SFPQ: variants seen among roughly 807,000 people sequenced by gnomAD.
SFPQ encodes the protein splicing factor, proline- and glutamine-rich.
SFPQ carries 11 observed loss-of-function variants against 72.9 expected under a neutral mutation model. The observed-to-expected ratio is 0.15, with a 90% CI of 0.09 to 0.25. The LOEUF is 0.25. SFPQ is among the 10% of genes least tolerant of loss of function. The pLI, the probability that SFPQ is intolerant of heterozygous loss-of-function variation, is 1.00. For synonymous variants in SFPQ, 506 were observed against 367.3 expected, an observed-to-expected ratio of 1.38 and a Z score of -4.32; for missense variants, 847 against 993.3, an observed-to-expected ratio of 0.85 and a Z score of 1.98.
intron 4 of SFPQ, chr1:35,177,565 G>C (rs1278184555): frequency 6.6e-6 from 1 of 151,844 alleles, no homozygotes; most frequent in Non-Finnish European, 1.5e-5. Flanking sequence ...CCCAGGCTGG[G>C]CTCAAGCAAT....
chr1:35,179,301 T>TA (rs1639372190), downstream of SFPQ: 1 of 1,058,776 alleles, frequency 9.4e-7, no homozygotes, highest in African/African-American at 1.6e-5. Context: ...CGCATCTCTT[T>TA]ATTGGGGAAA....
At chr1:35,182,204 T>C (rs898484029), downstream of SFPQ, 15 of 985,298 alleles carry the variant, frequency 1.5e-5, no homozygotes, top group Non-Finnish European at 1.4e-5. Flanking sequence ...CCTCTGTGGG[T>C]GTCCCATGGA....
chr1:35,179,560 C>CT, downstream of SFPQ: 1 of 1,052,748 alleles, frequency 9.5e-7, no homozygotes, highest in East Asian at 5.4e-5. Flanking sequence ...TAATTCCCAG[C>CT]TTTTTGAGTT....
chr1:35,185,526 G>A (rs575654961), intron 9 of SFPQ, among the ~76,000 whole-genome samples: 1 of 152,248 alleles, frequency 6.6e-6, no homozygotes, highest in Non-Finnish European at 1.5e-5. Context: ...GTTTTCAATA[G>A]AAACATATGT....
At chr1:35,184,655 T>C (rs1409104708) in intron 9 of SFPQ, 62 bp from the exon 10 acceptor site, 2 of 1,467,214 alleles carry the variant, frequency 1.4e-6, no homozygotes, top group African/African-American at 1.5e-5. Context: ...GTTAAGTAAA[T>C]ATTTTAGAAG....
chr1:35,181,163 G>C (rs1639450451), downstream of SFPQ: 1 of 1,065,328 alleles, frequency 9.4e-7, no homozygotes. Context: ...GAGAATCTTG[G>C]AGCAAGCAGG....
chr1:35,192,861 C>A lies in SFPQ; in HGVS notation c.189G>T (p.Pro63=). 6.5e-7 allele frequency: 1 copy of A among 1,530,870 alleles called. No individual in the cohort carries two copies. Among genetic ancestry groups the A allele is most frequent in the South Asian group, 1.2e-5 (1 of 82,424 alleles). The allele number at this position is 1,530,870 out of a possible 1,614,324, so 94.8% of individuals were successfully genotyped here. A position where few individuals can be genotyped will look rare whatever the true frequency, so the allele number is the denominator to read the frequency against. The part of the protein sequence containing the change: ...QSGPKPPIPP[P]PPHQQQQQPP... ...GCTGTTGCTGCTGTTGGTGTGGAGG[C>A]GGTGGCGGGATCGGAGGCTTAGGGC... The change falls in exon 1 of 10, where the codon CCG becomes CCT. Residue 63 remains proline, a synonymous_variant. Transcript: ENST00000357214.
chr1:35,190,106 G>A (rs1265393212), intron 4 of SFPQ, among the ~76,000 whole-genome samples: 1 of 151,846 alleles, frequency 6.6e-6, no homozygotes, highest in Non-Finnish European at 1.5e-5. Context: ...ACTAAAAATA[G>A]AAAACGAGCC....
intron 5 of SFPQ, 25 bp downstream of exon 5, chr1:35,189,158 AATG>A (rs1557805035): frequency 6.2e-7 from 1 of 1,613,602 alleles, no homozygotes; most frequent in Non-Finnish European, 8.5e-7. Flanking sequence ...TGACCTTAGC[AATG>A]ATGTTCACGC....
chr1:35,187,238 A>G lies in SFPQ; in HGVS notation c.1829T>C (p.Met610Thr). Residue 610 changes from methionine to threonine, a missense_variant, in exon 8 of 10, where the codon ATG (methionine) becomes ACG (threonine). Coordinates refer to ENST00000357214, the MANE Select transcript of SFPQ (RefSeq NM_005066.3). Reference sequence around the variant, plus strand: ...CATTGCTCCTCCGCCACCCATTCGCATGTCTCTTTCCCGCTGCAAGAAAAA... The same window carrying G: ...CATTGCTCCTCCGCCACCCATTCGCGTGTCTCTTTCCCGCTGCAAGAAAAA... ...MGYMDPRERD[M>T]RMGGGGAMNM... 11 of 1,614,164 alleles carry G rather than the reference A, an allele frequency of 6.8e-6. No homozygotes were observed. The highest frequency in any genetic ancestry group is 9.3e-6 in the Non-Finnish European group (11 of 1,180,022).
At chr1:35,188,621 A>G (rs1175023596) in intron 6 of SFPQ, among the ~76,000 whole-genome samples, 1 of 152,184 alleles carries the variant, frequency 6.6e-6, no homozygotes, top group Non-Finnish European at 1.5e-5. Context: ...GTGAGCTATG[A>G]TCATGCCACT....
chr1:35,192,120 T>C (rs1223875953), intron 1 of SFPQ, 102 bp downstream of exon 1: 2 of 1,033,700 alleles, frequency 1.9e-6, no homozygotes, highest in African/African-American at 3.3e-5. Flanking sequence ...CAAGCGCCCC[T>C]TCCGGCAGCC....
chr1:35,192,835 GGCTGTTGCT>G lies in SFPQ; in HGVS notation c.206_214del (p.Gln69_Gln71del), dbSNP rs769613403. 5.3e-6 allele frequency: 8 copies of G among 1,522,368 alleles called. No homozygotes were observed. The African/African-American group carries it at 8.6e-5, about 16-fold the overall frequency. The allele number at this position is 1,522,368 out of a possible 1,614,324, so 94.3% of individuals were successfully genotyped here. On this transcript the variant is annotated inframe_deletion, in exon 1 of 10. Coordinates refer to ENST00000357214, the MANE Select transcript of SFPQ (RefSeq NM_005066.3). ...CTGCGGCGGTGGCTGCTGCGGTGGT[GGCTGTTGCT>G]GCTGTTGGTGTGGAGGCGGTGGCGG... is the stretch of plus-strand genomic sequence containing the variant.
chr1:35,190,427 G>T (rs1639941057), intron 4 of SFPQ, 71 bp downstream of exon 4: 1 of 1,121,752 alleles, frequency 8.9e-7, no homozygotes, highest in Non-Finnish European at 1.3e-6. Context: ...AGCAAAATTG[G>T]AAAATCACTA....
chr1:35,178,178 G>A (rs1315667689), downstream of SFPQ: 4 of 1,059,382 alleles, frequency 3.8e-6, no homozygotes, highest in Admixed American at 1.1e-4. Flanking sequence ...AAAATAGGAA[G>A]AAACTTCATG....
At chr1:35,190,068 C>T (rs758695282) in intron 4 of SFPQ, among the ~76,000 whole-genome samples, 1 of 152,136 alleles carries the variant, frequency 6.6e-6, no homozygotes, top group African/African-American at 2.4e-5. Context: ...CGAGATCAGC[C>T]TAGTCAACAT....
At chr1:35,189,549 C>T (rs903317713) in intron 4 of SFPQ, among the ~76,000 whole-genome samples, 167 bp from the exon 5 acceptor site, 1 of 152,188 alleles carries the variant, frequency 6.6e-6, no homozygotes, top group African/African-American at 2.4e-5. Context: ...ACTCAGAACA[C>T]TCAGTAAAAG....
chr1:35,191,774 A>G (rs1448037267), intron 1 of SFPQ, among the ~76,000 whole-genome samples: 4 of 151,478 alleles, frequency 2.6e-5, no homozygotes, highest in Non-Finnish European at 5.9e-5. Flanking sequence ...AGCAACTGTC[A>G]CCCACATATG....
At position 35,184,413 on chromosome 1, in the gene SFPQ, CA is replaced by C; in HGVS notation, c.*42del. 2 of 1,590,324 alleles carry C rather than the reference CA, an allele frequency of 1.3e-6. No homozygotes were observed. Among genetic ancestry groups the C allele is most frequent in the Non-Finnish European group, 1.7e-6 (2 of 1,173,192 alleles). On this transcript the variant is annotated 3_prime_UTR_variant, in exon 10 of 10. Coordinates refer to ENST00000357214, the MANE Select transcript of SFPQ (RefSeq NM_005066.3). The stretch of plus-strand genomic sequence containing the variant: ...AGAATTTAAAAGATTGGTATCTAAA[CA>C]AAAAAACAAAACAAACTGGAATGAA...
Sources: gnomAD v4.1 joint callset for allele counts (sites outside exome capture counted in the v4.1 genomes callset) on GRCh38, gnomAD v4.1.1 for gene constraint, MANE v1.5 for transcripts, NCBI Gene and HGNC (gene_info 2026-07-23, HGNC 2026-07-21) for gene names.